Variants in DAB1 observed in about 807,000 individuals in gnomAD.
The protein encoded by DAB1 is disabled homolog 1.
Under a neutral mutation model 64.6 loss-of-function variants are expected in DAB1, and 15 were observed. The ratio of observed to expected loss-of-function variants is 0.23; its 90% confidence interval spans 0.16 to 0.36. The LOEUF (loss-of-function observed/expected upper bound fraction) is 0.36, where lower values mean the gene tolerates loss of function less well. Ranked by LOEUF, DAB1 falls within the 10% of genes least tolerant of loss-of-function variation. The probability of loss-of-function intolerance (pLI) is 1.00; values close to 1 mark genes in which losing one functional copy is unlikely to be tolerated. For synonymous variants in DAB1, 235 were observed against 251.9 expected, an observed-to-expected ratio of 0.93 and a Z score of 0.64; for missense variants, 596 against 706.7, an observed-to-expected ratio of 0.84 and a Z score of 1.78.
At chr1:58,307,286 G>A (rs1277380089) in intron 4 of DAB1, among the ~76,000 whole-genome samples, 1 of 152,194 alleles carries the variant, frequency 6.6e-6, no homozygotes, top group Non-Finnish European at 1.5e-5. Flanking sequence ...CTGCATGCCA[G>A]GCAGTCTGTT....
At chr1:57,592,543 G>A (rs1202369917) in intron 7 of DAB1, among the ~76,000 whole-genome samples, 1 of 152,016 alleles carries the variant, frequency 6.6e-6, no homozygotes, top group Non-Finnish European at 1.5e-5. Context: ...GGAGTCTTCA[G>A]GTCATAGACA....
At chr1:57,335,662 A>G (rs549530766) in intron 1 of DAB1, among the ~76,000 whole-genome samples, 2 of 152,316 alleles carry the variant, frequency 1.3e-5, no homozygotes, top group East Asian at 3.9e-4. Context: ...TGAAATTTAC[A>G]TGGCATACCC....
At chr1:57,358,930 A>C (rs1023004086) in intron 1 of DAB1, among the ~76,000 whole-genome samples, 2 of 152,016 alleles carry the variant, frequency 1.3e-5, no homozygotes, top group African/African-American at 4.8e-5. Flanking sequence ...AATAAAATTT[A>C]CTTCTCACCA....
upstream of DAB1, among the ~76,000 whole-genome samples, chr1:57,887,884 T>C (rs1027981485): frequency 6.6e-6 from 1 of 152,154 alleles, no homozygotes. Context: ...GTTAACTTCA[T>C]AGGGAAAAAA....
At chr1:58,414,574 G>A (rs1280009392) in intron 3 of DAB1, among the ~76,000 whole-genome samples, 1 of 152,102 alleles carries the variant, frequency 6.6e-6, no homozygotes, top group Non-Finnish European at 1.5e-5. Context: ...GAATCAATGG[G>A]AAACATATTC....
chr1:57,263,293 T>G (rs56201404), intron 2 of DAB1, among the ~76,000 whole-genome samples: 2,639 of 152,078 alleles, frequency 0.017, 81 homozygotes, highest in African/African-American at 0.059. Flanking sequence ...ATTTTTTTTG[T>G]ATTTTTAGTA....
At position 57,476,988 on chromosome 1, in the gene DAB1, C is replaced by T. The variant is rs79654672; in HGVS notation, n.625+172604G>A. Among the ~76,000 whole-genome samples the T allele has an allele frequency of 3.1e-3, 473 of 152,288 alleles. 3 individuals are homozygous for T. Among genetic ancestry groups the T allele is most frequent in the African/African-American group, 0.01 (435 of 41,546 alleles). On this transcript the variant is annotated intron_variant and non_coding_transcript_variant, in intron 7 of 20. Coordinates refer to the DAB1 transcript ENST00000485760. Reference sequence around the variant, plus strand: ...CGAGAAAATGAGGTAATAACAGCCCCAACCTGATAAGTTTGTTGTGAAGAT... The same window carrying T: ...CGAGAAAATGAGGTAATAACAGCCCTAACCTGATAAGTTTGTTGTGAAGAT...
intron 5 of DAB1, among the ~76,000 whole-genome samples, chr1:58,023,009 C>T (rs1192102358): frequency 1.3e-5 from 2 of 152,120 alleles, no homozygotes; most frequent in Admixed American, 1.3e-4. Flanking sequence ...AATGATAATT[C>T]ACATACTCAA....
chr1:58,421,464 A>T (rs1393433765), intron 3 of DAB1, among the ~76,000 whole-genome samples: 1 of 152,222 alleles, frequency 6.6e-6, no homozygotes, highest in Non-Finnish European at 1.5e-5. Flanking sequence ...TGGCAGAAAA[A>T]AAAGTTCTTA....
At chr1:57,686,020 C>T (rs528944384) in intron 6 of DAB1, among the ~76,000 whole-genome samples, 2 of 151,994 alleles carry the variant, frequency 1.3e-5, no homozygotes, top group Admixed American at 6.6e-5. Context: ...AAAGAACCAA[C>T]CAACCCCAAA....
chr1:57,729,948 G>A (rs1313639593), intron 6 of DAB1, among the ~76,000 whole-genome samples: 1 of 152,206 alleles, frequency 6.6e-6, no homozygotes, highest in Non-Finnish European at 1.5e-5. Flanking sequence ...TATTATCCCT[G>A]CTTTTCAAAA....
At chr1:57,821,723 A>C (rs1356646126), downstream of DAB1, among the ~76,000 whole-genome samples, 1 of 152,244 alleles carries the variant, frequency 6.6e-6, no homozygotes, top group African/African-American at 2.4e-5. Flanking sequence ...GCTACTTTGC[A>C]CCAAGAGCCA....
At chr1:58,181,433 C>T (rs191633701) in intron 4 of DAB1, among the ~76,000 whole-genome samples, 42 of 152,198 alleles carry the variant, frequency 2.8e-4, no homozygotes, top group African/African-American at 1.0e-3. Context: ...AATTCATTTA[C>T]ATCTAATGTA....
intron 6 of DAB1, among the ~76,000 whole-genome samples, chr1:57,737,472 G>A (rs1217583000): frequency 1.3e-5 from 2 of 152,198 alleles, no homozygotes; most frequent in African/African-American, 4.8e-5. Flanking sequence ...TCTGTTAAAT[G>A]GTGGTGGTAA....
intron 1 of DAB1, among the ~76,000 whole-genome samples, chr1:57,303,850 G>A (rs934404804): frequency 1.3e-5 from 2 of 152,002 alleles, no homozygotes; most frequent in Non-Finnish European, 2.9e-5. Context: ...CAGTGTTCAC[G>A]AGGCCAGGCT....
chr1:57,160,925 C>G (rs1034210510), intron 2 of DAB1, among the ~76,000 whole-genome samples: 1 of 152,014 alleles, frequency 6.6e-6, no homozygotes, highest in Non-Finnish European at 1.5e-5. Context: ...TTGAGACAAT[C>G]CTGAAGGAAA....
intron 1 of DAB1, among the ~76,000 whole-genome samples, chr1:57,844,794 G>A (rs191416720): frequency 8.7e-4 from 133 of 152,192 alleles, no homozygotes; most frequent in Middle Eastern, 3.4e-3. Context: ...CCCTTCTTCA[G>A]GCTGTATACA....
intron 2 of DAB1, among the ~76,000 whole-genome samples, chr1:58,518,698 T>C (rs1271477474): frequency 2.0e-5 from 3 of 151,892 alleles, no homozygotes; most frequent in African/African-American, 7.3e-5. Flanking sequence ...AGTATATTCA[T>C]TGGGAAAAGG....
chr1:58,013,885 CTTTTTTTCTTTTTTT>C (rs1217335596), intron 5 of DAB1, among the ~76,000 whole-genome samples: 3 of 19,128 alleles, frequency 1.6e-4, no homozygotes, highest in African/African-American at 2.9e-4. Context: ...TCTTCCTTTT[CTTTTTTTCTTTTTTT>C]TTTTTTTCTT....
Sources: allele counts gnomAD v4.1 joint callset (sites outside exome capture counted in the v4.1 genomes callset), GRCh38; gene constraint gnomAD v4.1.1; transcripts MANE v1.5; gene names NCBI Gene and HGNC (gene_info 2026-07-23, HGNC 2026-07-21).